YWHAE: variants seen among roughly 807,000 people sequenced by gnomAD.
YWHAE encodes the protein 14-3-3 protein epsilon.
YWHAE carries 4 observed loss-of-function variants against 30.1 expected under a neutral mutation model. The observed-to-expected ratio is 0.13, with a 90% CI of 0.07 to 0.30. The LOEUF (loss-of-function observed/expected upper bound fraction) is 0.30. Ranked by LOEUF, YWHAE falls within the 10% of genes least tolerant of loss-of-function variation. YWHAE has a pLI of 1.00. For missense variants in YWHAE, 121 were observed against 315.9 expected (o/e 0.38, Z 4.68); for synonymous variants, 118 against 111.8 (o/e 1.06, Z -0.35).
In YWHAE at chr17:1,345,086, C is replaced by T; in HGVS notation, c.*361G>A. 1 of 303,832 alleles carries T rather than the reference C, an allele frequency of 3.3e-6. No individual in the cohort carries two copies. Among genetic ancestry groups the T allele is most frequent in the South Asian group, 7.9e-5 (1 of 12,692 alleles). 18.8% of individuals were successfully genotyped at this position (303,832 alleles called of 1,614,324 possible). The stretch of plus-strand genomic sequence containing the variant: ...GTGTGATTAACCTCTCTCTTAGATG[C>T]TTGCATCACCTATAAGTCTAATGGC... On this transcript the variant is annotated 3_prime_UTR_variant, in exon 6 of 6. Coordinates refer to ENST00000264335, the MANE Select transcript of YWHAE (RefSeq NM_006761.5).
chr17:1,364,780 T>C, intron 2 of YWHAE, 79 bp downstream of exon 2: 3 of 1,494,948 alleles, frequency 2.0e-6, no homozygotes, highest in Non-Finnish European at 2.8e-6. Flanking sequence ...AGTCTCCTTT[T>C]CTCTCAAAAT....
At chr17:1,379,108 T>C (rs2073167517) in intron 1 of YWHAE, among the ~76,000 whole-genome samples, 1 of 152,224 alleles carries the variant, frequency 6.6e-6, no homozygotes, top group African/African-American at 2.4e-5. Flanking sequence ...GAAGCCTGCT[T>C]AAAGTTTGCG....
At chr17:1,351,870 C>A (rs1323852143) in intron 5 of YWHAE, among the ~76,000 whole-genome samples, 3 of 152,124 alleles carry the variant, frequency 2.0e-5, no homozygotes, top group African/African-American at 7.2e-5. Context: ...TCACTGCAAC[C>A]TCCACCTCCT....
At chr17:1,393,942 C>G (rs995461377) in intron 1 of YWHAE, among the ~76,000 whole-genome samples, 3 of 152,086 alleles carry the variant, frequency 2.0e-5, no homozygotes, top group Admixed American at 6.6e-5. Flanking sequence ...AAGATTTTGT[C>G]TACAATTCAC....
intron 1 of YWHAE, among the ~76,000 whole-genome samples, chr17:1,391,460 G>A (rs2073388493): frequency 1.3e-5 from 2 of 152,170 alleles, no homozygotes; most frequent in Admixed American, 1.3e-4. Flanking sequence ...GACAATCCCA[G>A]TTTATGCCTG....
chr17:1,347,835 G>A (rs2072552027), intron 5 of YWHAE: 1 of 421,812 alleles, frequency 2.4e-6, no homozygotes, highest in Non-Finnish European at 3.2e-6. Flanking sequence ...GCCGGAAAAG[G>A]CTTAGGTCAG....
chr17:1,358,778 T>A (rs1317836542), intron 4 of YWHAE, among the ~76,000 whole-genome samples: 1 of 142,414 alleles, frequency 7.0e-6, no homozygotes, highest in Non-Finnish European at 1.5e-5. Flanking sequence ...TGCAGTGAGC[T>A]GCGATCGCAC....
At chr17:1,364,797 T>A (rs1179702316) in intron 2 of YWHAE, 62 bp downstream of exon 2, 6 of 1,578,440 alleles carry the variant, frequency 3.8e-6, no homozygotes, top group Non-Finnish European at 5.2e-6. Context: ...AAATCTTAAG[T>A]GTACCGTCCT....
At chr17:1,352,543 T>A (rs1425334037) in intron 5 of YWHAE, among the ~76,000 whole-genome samples, 5 of 150,522 alleles carry the variant, frequency 3.3e-5, no homozygotes, top group Non-Finnish European at 7.4e-5. Context: ...TTTTTTTTTT[T>A]AGATGGAGTC....
At position 1,386,767 on chromosome 17, in the gene YWHAE, C is replaced by A. The variant is rs184324245; in HGVS notation, c.64+13280G>T. On this transcript the variant is annotated intron_variant, in intron 1 of 5. Transcript: ENST00000264335. ...AAGTTTGAGACCAGCCTGGCCAACA[C>A]GGTGAAACACCCGTCTCTACTGAAG... Among the ~76,000 whole-genome samples, 5 of 152,178 alleles carry A rather than the reference C, an allele frequency of 3.3e-5. No homozygotes were observed. The East Asian group carries it at 9.7e-4, about 29-fold the overall frequency.
intron 5 of YWHAE, among the ~76,000 whole-genome samples, chr17:1,350,971 A>G (rs2072622043): frequency 6.6e-6 from 1 of 151,922 alleles, no homozygotes; most frequent in South Asian, 2.1e-4. Flanking sequence ...AGGCAGGAGA[A>G]TCCTTTGAAC....
chr17:1,381,892 G>T (rs1193141121), intron 1 of YWHAE, among the ~76,000 whole-genome samples: 1 of 127,354 alleles, frequency 7.9e-6, no homozygotes, highest in Non-Finnish European at 1.6e-5. Flanking sequence ...CAGCCTGCAC[G>T]AGAGAGCGAC....
At chr17:1,379,669 T>TAG (rs1370811934) in intron 1 of YWHAE, among the ~76,000 whole-genome samples, 23 of 152,130 alleles carry the variant, frequency 1.5e-4, no homozygotes, top group Non-Finnish European at 2.8e-4. Flanking sequence ...TAGTGATCAC[T>TAG]AGTTCTACTC....
At chr17:1,350,623 G>GT (rs2072613805) in intron 5 of YWHAE, among the ~76,000 whole-genome samples, 1 of 151,296 alleles carries the variant, frequency 6.6e-6, no homozygotes, top group African/African-American at 2.4e-5. Context: ...TGTATTTGTA[G>GT]TAGAGACGGG....
At chr17:1,382,625 G>C (rs2073231766) in intron 1 of YWHAE, among the ~76,000 whole-genome samples, 1 of 152,060 alleles carries the variant, frequency 6.6e-6, no homozygotes, top group African/African-American at 2.4e-5. Context: ...CTCCCAAAGT[G>C]CTAGGATTAC....
chr17:1,361,908 T>C lies in YWHAE; in HGVS notation c.365A>G (p.Tyr122Cys). Residue 122 changes from tyrosine to cysteine, a missense_variant, in exon 3 of 6, where the codon TAT (tyrosine) becomes TGT (cysteine). Coordinates refer to ENST00000264335, the MANE Select transcript of YWHAE (RefSeq NM_006761.5). ...ANTGESKVFYYKMKGDYHRYL... is the reference protein window; with the variant it reads ...ANTGESKVFYCKMKGDYHRYL... ...CTTCTAGTATAGAACCTACATTTTA[T>C]AATAGAAAACCTTGGACTCGCCAGT... is the stretch of plus-strand genomic sequence containing the variant. 2 of 1,594,220 alleles carry C rather than the reference T, an allele frequency of 1.3e-6. No homozygotes were observed. The highest frequency in any genetic ancestry group is 2.2e-5 in the East Asian group (1 of 44,550).
intron 1 of YWHAE, among the ~76,000 whole-genome samples, chr17:1,391,928 A>G (rs1047506862): frequency 6.6e-6 from 1 of 152,180 alleles, no homozygotes; most frequent in East Asian, 1.9e-4. Context: ...TACCAAAAAA[A>G]TTTTTTTGCC....
chr17:1,361,042 GC>G (rs776658798), intron 4 of YWHAE, 49 bp downstream of exon 4: 2 of 1,538,240 alleles, frequency 1.3e-6, no homozygotes, highest in Non-Finnish European at 1.8e-6. Context: ...CCCAAACAGC[GC>G]CCCCCTTAAC....
chr17:1,384,854 T>G (rs1023239189), intron 1 of YWHAE, among the ~76,000 whole-genome samples: 1 of 151,986 alleles, frequency 6.6e-6, no homozygotes. Flanking sequence ...ATTAGAGGCA[T>G]GCGCCACGAA....
Sources: gnomAD v4.1 joint callset for allele counts (sites outside exome capture counted in the v4.1 genomes callset) on GRCh38, gnomAD v4.1.1 for gene constraint, MANE v1.5 for transcripts, NCBI Gene and HGNC (gene_info 2026-07-23, HGNC 2026-07-21) for gene names.